The following SCN8A variants were observed in gnomAD, a reference collection of about 807,000 sequenced individuals.
The protein encoded by SCN8A is sodium channel protein type 8 subunit alpha.
A neutral mutation model predicts 184.1 loss-of-function variants in SCN8A; 30 were observed. That is an observed-to-expected ratio of 0.16 (90% CI 0.12 to 0.22). The LOEUF (loss-of-function observed/expected upper bound fraction) is 0.22. Among genes scored for constraint, SCN8A ranks in the 10% least tolerant of loss-of-function variants. The probability of loss-of-function intolerance (pLI) is 1.00; values close to 1 mark genes in which losing one functional copy is unlikely to be tolerated. For missense variants in SCN8A, 1,057 were observed against 2,498.9 expected (o/e 0.42, Z 12.30); for synonymous variants, 852 against 907.0 (o/e 0.94, Z 1.09).
intron 2 of SCN8A, among the ~76,000 whole-genome samples, chr12:51,672,492 A>G (rs956627541): frequency 1.3e-5 from 2 of 151,820 alleles, no homozygotes; most frequent in African/African-American, 4.8e-5. Context: ...CCTTTCCCTA[A>G]AATGTTTATA....
rs183798359 is a variant in SCN8A at position 51,759,220 on chromosome 12, A to T, written c.2371-3283A>T. 4.8e-3 allele frequency among the ~76,000 whole-genome samples: 718 copies of T among 151,078 alleles called. 2 individuals are homozygous for T. Among genetic ancestry groups the T allele is most frequent in the African/African-American group, 0.012 (516 of 41,286 alleles). On this transcript the variant is annotated intron_variant, in intron 14 of 26. Coordinates refer to ENST00000627620, the MANE Select transcript of SCN8A (RefSeq NM_001330260.2). ...GGACATTTGGTTTTCCATATTAAAA[A>T]ATATATATATATAAATGAAAATATA... is the stretch of plus-strand genomic sequence containing the variant.
At chr12:51,604,676 C>T (rs182364827) in intron 1 of SCN8A, among the ~76,000 whole-genome samples, 111 of 151,996 alleles carry the variant, frequency 7.3e-4, no homozygotes, top group Non-Finnish European at 1.3e-3. Flanking sequence ...TACAGGCATG[C>T]GCCACCACAC....
At position 51,769,080 on chromosome 12, in the gene SCN8A, AAAG is replaced by A; in HGVS notation, c.3121_3123del (p.Lys1041del). 1 of 1,613,902 alleles carries A rather than the reference AAAG, an allele frequency of 6.2e-7. No individual in the cohort carries two copies. Among genetic ancestry groups the A allele is most frequent in the Non-Finnish European group, 8.5e-7 (1 of 1,179,862 alleles). The stretch of plus-strand genomic sequence containing the variant: ...TGAAGCCTCTGGATGAGTTGTATGA[AAAG>A]AAGGCCAACTGTATCGCCAATCACA... On this transcript the variant is annotated inframe_deletion, in exon 17 of 27. Coordinates refer to ENST00000627620, the MANE Select transcript of SCN8A (RefSeq NM_001330260.2).
At chr12:51,799,504 T>C (rs1340245578) in intron 26 of SCN8A, among the ~76,000 whole-genome samples, 1 of 152,202 alleles carries the variant, frequency 6.6e-6, no homozygotes, top group East Asian at 1.9e-4. Flanking sequence ...TCCAAAATCC[T>C]ACGGACCTCC....
intron 1 of SCN8A, among the ~76,000 whole-genome samples, chr12:51,598,461 A>G (rs1939394788): frequency 6.6e-6 from 1 of 152,082 alleles, no homozygotes; most frequent in African/African-American, 2.4e-5. Flanking sequence ...TCTTTATCTG[A>G]TCTCTGCATT....
intron 1 of SCN8A, among the ~76,000 whole-genome samples, chr12:51,625,393 C>T (rs973307773): frequency 1.3e-5 from 2 of 152,190 alleles, no homozygotes; most frequent in African/African-American, 2.4e-5. Flanking sequence ...CTATGGTATA[C>T]CACAGTTTCT....
chr12:51,759,551 T>A (rs1942732098), intron 14 of SCN8A, among the ~76,000 whole-genome samples: 1 of 152,178 alleles, frequency 6.6e-6, no homozygotes, highest in Non-Finnish European at 1.5e-5. Context: ...TATTTAATAT[T>A]TTTGGACTGT....
At chr12:51,754,462 G>A (rs1270286512) in intron 14 of SCN8A, among the ~76,000 whole-genome samples, 1 of 151,236 alleles carries the variant, frequency 6.6e-6, no homozygotes, top group Non-Finnish European at 1.5e-5. Context: ...AATTAACATT[G>A]ATACATTACA....
intron 1 of SCN8A, among the ~76,000 whole-genome samples, chr12:51,597,392 A>C (rs1939372343): frequency 6.6e-6 from 1 of 152,074 alleles, no homozygotes; most frequent in Non-Finnish European, 1.5e-5. Flanking sequence ...TGTGCTATAA[A>C]TTTTTGGGGG....
At chr12:51,749,543 C>T (rs1182313688) in intron 13 of SCN8A, among the ~76,000 whole-genome samples, 1 of 152,052 alleles carries the variant, frequency 6.6e-6, no homozygotes, top group Non-Finnish European at 1.5e-5. Context: ...GGGGAGAAAA[C>T]TATATTTACC....
intron 6 of SCN8A, 48 bp from the exon 7 acceptor site, chr12:51,699,522 G>A (rs759571583): frequency 1.4e-6 from 2 of 1,480,110 alleles, no homozygotes; most frequent in Non-Finnish European, 1.9e-6. Context: ...TTGGGGAGGT[G>A]GGGAGGGCTT....
chr12:51,668,139 C>T (rs907334006), intron 2 of SCN8A, among the ~76,000 whole-genome samples: 5 of 150,828 alleles, frequency 3.3e-5, no homozygotes, highest in South Asian at 2.1e-4. Flanking sequence ...GCCGAGATCA[C>T]GCCATCGCAC....
At chr12:51,634,621 A>G (rs776740751) in intron 1 of SCN8A, among the ~76,000 whole-genome samples, 18 of 149,166 alleles carry the variant, frequency 1.2e-4, no homozygotes, top group Non-Finnish European at 2.4e-4. Flanking sequence ...CAAGTTTTCT[A>G]CAATGAAATA....
intron 2 of SCN8A, among the ~76,000 whole-genome samples, chr12:51,671,635 C>A (rs546314346): frequency 6.6e-6 from 1 of 152,308 alleles, no homozygotes; most frequent in South Asian, 2.1e-4. Context: ...TAATATCGAT[C>A]ATCTCTGACA....
intron 2 of SCN8A, among the ~76,000 whole-genome samples, chr12:51,680,143 A>C (rs926735586): frequency 6.6e-6 from 1 of 152,210 alleles, no homozygotes; most frequent in African/African-American, 2.4e-5. Context: ...CCTTCATTTC[A>C]GGAGTTTAGT....
rs1738712130 is a variant in SCN8A at position 51,812,770 on chromosome 12, T to C, written c.*5341T>C. The C allele has an allele frequency of 6.6e-6, 1 of 152,202 alleles. No homozygotes were observed. The highest frequency in any genetic ancestry group is 1.5e-5 in the Non-Finnish European group (1 of 68,034). The allele number at this position is 152,202 out of a possible 1,614,324, so 9.4% of individuals were successfully genotyped here. A position where few individuals can be genotyped will look rare whatever the true frequency, so the allele number is the denominator to read the frequency against. ...TGAGAATGTGTAAGTGGATTGGAAG[T>C]TTATAGTATGAAATTTCAATTTTAC... On this transcript the variant is annotated 3_prime_UTR_variant, in exon 27 of 27. Coordinates refer to ENST00000627620, the MANE Select transcript of SCN8A (RefSeq NM_001330260.2).
At chr12:51,706,156 G>A (rs1941779737) in intron 10 of SCN8A, among the ~76,000 whole-genome samples, 1 of 152,110 alleles carries the variant, frequency 6.6e-6, no homozygotes, top group Non-Finnish European at 1.5e-5. Context: ...TTGCTCAGAA[G>A]GGATCCTCTG....
chr12:51,789,925 C>G (rs146124555), intron 24 of SCN8A, among the ~76,000 whole-genome samples: 15 of 152,342 alleles, frequency 9.8e-5, no homozygotes, highest in Non-Finnish European at 7.4e-5. Context: ...TCAAGTCTAT[C>G]CCAGCATACT....
At chr12:51,702,960 T>G (rs1234716121) in intron 9 of SCN8A, 46 bp downstream of exon 9, 1 of 1,530,922 alleles carries the variant, frequency 6.5e-7, no homozygotes, top group Non-Finnish European at 8.8e-7. Flanking sequence ...TGCATGAGCT[T>G]ATATGGGGTT....
Sources: allele counts gnomAD v4.1 joint callset (sites outside exome capture counted in the v4.1 genomes callset), GRCh38; gene constraint gnomAD v4.1.1; transcripts MANE v1.5; gene names NCBI Gene and HGNC (gene_info 2026-07-23, HGNC 2026-07-21).